Variants in CEP164 observed in about 807,000 individuals in gnomAD.
CEP164 encodes the protein centrosomal protein of 164 kDa.
CEP164 carries 162 observed loss-of-function variants against 182.7 expected under a neutral mutation model. The ratio of observed to expected loss-of-function variants is 0.89; its 90% CI spans 0.78 to 1.01. The LOEUF (loss-of-function observed/expected upper bound fraction) is 1.01. Ranked by LOEUF, CEP164 falls within the 50% of genes least tolerant of loss-of-function variation. The pLI, the probability that CEP164 is intolerant of heterozygous loss-of-function variation, is 0.00. For missense variants in CEP164, 1,735 were observed against 1,790.4 expected (o/e 0.97, Z 0.56); for synonymous variants, 661 against 690.0 (o/e 0.96, Z 0.66).
At chr11:117,391,283 C>T (rs2044617570) in intron 17 of CEP164, 68 bp downstream of exon 17, 7 of 1,457,966 alleles carry the variant, frequency 4.8e-6, no homozygotes, top group Non-Finnish European at 6.6e-6. Context: ...GGACTGAGTG[C>T]ACAAGGAGAA....
chr11:117,329,074 T>C (rs992836673), intron 1 of CEP164, among the ~76,000 whole-genome samples: 1 of 152,232 alleles, frequency 6.6e-6, no homozygotes, highest in Admixed American at 6.5e-5. Flanking sequence ...TTAGTTCTTA[T>C]GCAGCTGTCA....
chr11:117,383,319 T>C (rs1392998372), intron 14 of CEP164, among the ~76,000 whole-genome samples: 1 of 152,208 alleles, frequency 6.6e-6, no homozygotes, highest in East Asian at 1.9e-4. Context: ...GCCTAAAGTG[T>C]ACAGTTCAGT....
chr11:117,350,297 G>A (rs556146395), intron 4 of CEP164, among the ~76,000 whole-genome samples: 1 of 152,104 alleles, frequency 6.6e-6, no homozygotes, highest in East Asian at 1.9e-4. Flanking sequence ...TGAACTCCTG[G>A]GCTCAAACAA....
intron 17 of CEP164, among the ~76,000 whole-genome samples, chr11:117,391,946 A>G (rs2044710031): frequency 6.6e-6 from 1 of 152,180 alleles, no homozygotes; most frequent in Non-Finnish European, 1.5e-5. Context: ...CATGAGCACC[A>G]TCTGTGGATC....
In CEP164 at chr11:117,380,675, A is replaced by G; in HGVS notation, c.1379A>G (p.Gln460Arg). ...DDSQSSQDEL[Q>R]SKQSKGLEER... is the part of the protein sequence containing the mutation. ...AGCCAGTCCAGCCAAGATGAGCTGC[A>G]GAGCAAGCAGTCCAAAGGCCTGGAG... The change falls in exon 12 of 33, where the codon CAG (glutamine) becomes CGG (arginine). Residue 460 changes from glutamine (Q) to arginine (R), a missense_variant. Transcript: ENST00000278935. 1.2e-6 allele frequency: 2 copies of G among 1,608,446 alleles called. No individual in the cohort carries two copies. Among genetic ancestry groups the G allele is most frequent in the Non-Finnish European group, 1.7e-6 (2 of 1,177,496 alleles).
chr11:117,331,918 CA>C lies in CEP164; in HGVS notation c.-97-3686del, dbSNP rs572958248. Reference sequence around the variant, plus strand: ...CTCTGTCTTCCTTTCCATCTGATCACATAGCTCCTGCCTCAGCCTTCCGAGT... The same window carrying C: ...CTCTGTCTTCCTTTCCATCTGATCACTAGCTCCTGCCTCAGCCTTCCGAGT... On this transcript the variant is annotated intron_variant, in intron 1 of 32. Transcript: ENST00000278935. Among the ~76,000 whole-genome samples, 1,182 of 151,684 alleles carry C rather than the reference CA, an allele frequency of 7.8e-3. 27 individuals are homozygous for C. The highest frequency in any genetic ancestry group is 0.026 in the African/African-American group (1,059 of 41,294).
intron 5 of CEP164, among the ~76,000 whole-genome samples, chr11:117,357,823 T>C (rs1029452193): frequency 6.6e-6 from 1 of 152,196 alleles, no homozygotes; most frequent in African/African-American, 2.4e-5. Flanking sequence ...GAAAACCACA[T>C]GGATAACCTG....
chr11:117,367,111 G>A (rs148223448), intron 8 of CEP164, among the ~76,000 whole-genome samples: 266 of 152,328 alleles, frequency 1.7e-3, no homozygotes, highest in African/African-American at 6.2e-3. Flanking sequence ...GCAGGAGACT[G>A]GACTTGGGTG....
chr11:117,406,478 A>G (rs1042873104), intron 27 of CEP164, among the ~76,000 whole-genome samples: 6 of 152,234 alleles, frequency 3.9e-5, no homozygotes, highest in African/African-American at 1.4e-4. Context: ...AACTATATCA[A>G]TAACCATTTA....
chr11:117,406,808 G>A (rs1445763036), intron 27 of CEP164, among the ~76,000 whole-genome samples: 1 of 152,142 alleles, frequency 6.6e-6, no homozygotes, highest in Non-Finnish European at 1.5e-5. Context: ...AAATCTGATG[G>A]TGCTCAGCCA....
chr11:117,371,071 G>T lies in CEP164; in HGVS notation c.766-9G>T. The T allele has an allele frequency of 6.4e-7, 1 of 1,558,500 alleles. No individual in the cohort carries two copies. Among genetic ancestry groups the T allele is most frequent in the South Asian group, 1.2e-5 (1 of 82,822 alleles). On this transcript the variant is annotated splice_polypyrimidine_tract_variant and intron_variant, in intron 8 of 32. Coordinates refer to ENST00000278935, the MANE Select transcript of CEP164 (RefSeq NM_014956.5). ...GTCTTCCTTTCTAACATGGTCTGTT[G>T]CTCCCTAGGAGTCTCTGAGAACAAG...
chr11:117,393,093 G>A lies in CEP164; in HGVS notation c.2583G>A (p.Val861=), dbSNP rs747640551. 36 of 1,613,476 alleles carry A rather than the reference G, an allele frequency of 2.2e-5. No homozygotes were observed. The highest frequency in any genetic ancestry group is 3.0e-5 in the Non-Finnish European group (35 of 1,179,832). ...AGATGAAGGAGGAGCACCAGCAAGT[G>A]ATGGCTAAGGCCAGAGAGCAGTATG... ...LDKMKEEHQQ[V]MAKAREQYEA... The change falls in exon 20 of 33, where the codon GTG becomes GTA. Residue 861 remains valine, a synonymous_variant. Coordinates refer to ENST00000278935, the MANE Select transcript of CEP164 (RefSeq NM_014956.5).
chr11:117,346,342 C>T (rs2038889686), intron 4 of CEP164, among the ~76,000 whole-genome samples: 1 of 151,740 alleles, frequency 6.6e-6, no homozygotes, highest in African/African-American at 2.4e-5. Flanking sequence ...AATCTTGGCT[C>T]ACTGCAACCT....
chr11:117,345,199 G>A (rs1318769043), intron 4 of CEP164, among the ~76,000 whole-genome samples: 2 of 152,136 alleles, frequency 1.3e-5, no homozygotes, highest in Non-Finnish European at 2.9e-5. Context: ...TTCACTCAGT[G>A]GTTGTCTCAG....
At chr11:117,359,488 A>G (rs1307989783) in intron 5 of CEP164, 1 of 985,246 alleles carries the variant, frequency 1.0e-6, no homozygotes, top group Non-Finnish European at 1.2e-6. Flanking sequence ...TACTTTCCTG[A>G]TGAGCATCTG....
At chr11:117,383,414 C>T (rs571388040) in intron 14 of CEP164, among the ~76,000 whole-genome samples, 38 of 152,250 alleles carry the variant, frequency 2.5e-4, no homozygotes, top group Non-Finnish European at 4.4e-4. Flanking sequence ...TCGTGCCCCT[C>T]TCAAACCACT....
Position 117,412,181 on chromosome 11 carries a change from G to A in CEP164, c.*13G>A. Reference sequence around the variant, plus strand: ...GTATCGCTTCTGAGGCCCTGAGCAGGGGCTTGGGGCAGCCCAGCCTCTCCT... The same window carrying A: ...GTATCGCTTCTGAGGCCCTGAGCAGAGGCTTGGGGCAGCCCAGCCTCTCCT... On this transcript the variant is annotated 3_prime_UTR_variant, in exon 33 of 33. Transcript: ENST00000278935. 1 of 1,611,180 alleles carries A rather than the reference G, an allele frequency of 6.2e-7. No individual in the cohort carries two copies. Among genetic ancestry groups the A allele is most frequent in the Non-Finnish European group, 8.5e-7 (1 of 1,177,950 alleles).
upstream of CEP164, among the ~76,000 whole-genome samples, chr11:117,324,400 T>C (rs1385559963): frequency 6.6e-6 from 1 of 151,414 alleles, no homozygotes; most frequent in Non-Finnish European, 1.5e-5. Flanking sequence ...TGAGCTGAGA[T>C]TGCACCACTG....
In CEP164 at chr11:117,387,350, G is replaced by A. The variant is rs1427625734; in HGVS notation, c.1872G>A (p.Lys624=). The change falls in exon 15 of 33, where the codon AAG becomes AAA. Residue 624 remains lysine (K), a synonymous_variant. Coordinates refer to ENST00000278935, the MANE Select transcript of CEP164 (RefSeq NM_014956.5). ...KQEKMQQLRE[K]LCQEEEEEIL... is the part of the protein sequence containing the mutation. Reference sequence around the variant, plus strand: ...AGAAGATGCAGCAACTGCGGGAGAAGCTGTGCCAAGAGGAGGAAGAGGAGA... The same window carrying A: ...AGAAGATGCAGCAACTGCGGGAGAAACTGTGCCAAGAGGAGGAAGAGGAGA... The A allele has an allele frequency of 1.9e-6, 3 of 1,614,100 alleles. No individual in the cohort carries two copies. The highest frequency in any genetic ancestry group is 2.2e-5 in the South Asian group (2 of 91,088).
Sources: allele counts gnomAD v4.1 joint callset (sites outside exome capture counted in the v4.1 genomes callset), GRCh38; gene constraint gnomAD v4.1.1; transcripts MANE v1.5; gene names NCBI Gene and HGNC (gene_info 2026-07-23, HGNC 2026-07-21).